Variants in RTP2 observed in about 807,000 individuals in gnomAD.
RTP2 encodes receptor transporter protein 2, also known as receptor-transporting protein 2.
A neutral mutation model predicts 17.9 loss-of-function variants in RTP2; 12 were observed. The ratio of observed to expected loss-of-function variants is 0.67; its 90% CI spans 0.43 to 1.09. The LOEUF is 1.09. Ranked by LOEUF, RTP2 falls within the 50% of genes least tolerant of loss-of-function variation. RTP2 has a pLI of 0.00. For synonymous variants in RTP2, 126 were observed against 117.7 expected, an observed-to-expected ratio of 1.07 and a Z score of -0.46; for missense variants, 327 against 295.7, an observed-to-expected ratio of 1.11 and a Z score of -0.78.
At chr3:187,707,157 C>A (rs1718013586), upstream of RTP2, among the ~76,000 whole-genome samples, 2 of 152,198 alleles carry the variant, frequency 1.3e-5, no homozygotes, top group South Asian at 4.1e-4. Context: ...TCACAGGATG[C>A]TGGCTGAGTT....
intron 1 of RTP2, 34 bp from the exon 2 acceptor site, chr3:187,699,045 G>A (rs894387423): frequency 1.3e-6 from 2 of 1,548,694 alleles, no homozygotes; most frequent in Non-Finnish European, 8.8e-7. Flanking sequence ...GGAGAAGGTG[G>A]GCATCCCAGA....
chr3:187,702,431 C>T, exon 1 of RTP2: 1 of 514,946 alleles, frequency 1.9e-6, no homozygotes, highest in Admixed American at 2.3e-5. Context: ...GAGGCCCAAC[C>T]TCAGACCACA....
the RTP2 span, chr3:187,715,677 G>A: frequency 4.4e-6 from 2 of 456,954 alleles, 1 homozygote; most frequent in South Asian, 3.1e-5. Flanking sequence ...CATCTGGAGA[G>A]CAAGAAGCAG....
chr3:187,710,211 A>G, the RTP2 span, among the ~76,000 whole-genome samples: 2 of 152,042 alleles, frequency 1.3e-5, no homozygotes, highest in African/African-American at 2.4e-5. Context: ...TCAGGCCTTG[A>G]GACTCAGGCT....
At chr3:187,701,830 G>T (rs1040016407) in intron 1 of RTP2, 135 bp downstream of exon 1, 34 of 734,920 alleles carry the variant, frequency 4.6e-5, no homozygotes, top group Non-Finnish European at 7.1e-5. Flanking sequence ...GACCCAGCCG[G>T]CTGTCTTTGT....
chr3:187,699,149 A>G (rs867280140), intron 1 of RTP2, 138 bp from the exon 2 acceptor site: 2 of 1,086,558 alleles, frequency 1.8e-6, no homozygotes, highest in African/African-American at 1.6e-5. Context: ...TGGATTCATT[A>G]GCACTCCAAG....
At chr3:187,712,382 G>A in the RTP2 span, among the ~76,000 whole-genome samples, 10 of 152,196 alleles carry the variant, frequency 6.6e-5, no homozygotes, top group East Asian at 1.7e-3. Context: ...TCTAATAAAT[G>A]TTATTTATTA....
chr3:187,699,027 G>A lies in RTP2; in HGVS notation c.165-16C>T. The A allele has an allele frequency of 6.4e-7, 1 of 1,561,996 alleles. No individual in the cohort carries two copies. Among genetic ancestry groups the A allele is most frequent in the African/African-American group, 1.3e-5 (1 of 74,096 alleles). On this transcript the variant is annotated splice_polypyrimidine_tract_variant and intron_variant, in intron 1 of 1. Coordinates refer to ENST00000358241, the Ensembl canonical transcript of RTP2. ...GCAGTGGAACCTGCCGGGAGGAGAA[G>A]GAGGGGTGGAGAAGGTGGGCATCCC...
intron 1 of RTP2, among the ~76,000 whole-genome samples, chr3:187,700,890 C>G (rs1450302236): frequency 6.6e-6 from 1 of 151,960 alleles, no homozygotes; most frequent in Non-Finnish European, 1.5e-5. Flanking sequence ...GGTTTTCTGT[C>G]TTTTTTTCAC....
chr3:187,700,832 A>G (rs1435352747), intron 1 of RTP2, among the ~76,000 whole-genome samples: 7 of 152,296 alleles, frequency 4.6e-5, no homozygotes, highest in African/African-American at 1.7e-4. Context: ...CAGGTACCCA[A>G]TAGATGCTTC....
At chr3:187,698,533 G>A (rs1350451328) in exon 2 of RTP2, 1 of 1,613,348 alleles carries the variant, frequency 6.2e-7, no homozygotes, top group Non-Finnish European at 8.5e-7. Flanking sequence ...GAGAACTGCA[G>A]GTAAACAACG....
chr3:187,712,005 G>A, the RTP2 span, among the ~76,000 whole-genome samples: 1 of 152,320 alleles, frequency 6.6e-6, no homozygotes, highest in East Asian at 1.9e-4. Context: ...ACAGGATGAC[G>A]ATAAAAGGGT....
At chr3:187,702,228 C>T in exon 1 of RTP2, 2 of 1,237,348 alleles carry the variant, frequency 1.6e-6, no homozygotes, top group South Asian at 1.4e-5. Context: ...GGTCAGAATC[C>T]TCATCGGCAG....
the RTP2 span, among the ~76,000 whole-genome samples, chr3:187,709,672 G>A: frequency 6.6e-6 from 1 of 152,094 alleles, no homozygotes; most frequent in Non-Finnish European, 1.5e-5. Context: ...GTGACAGTGT[G>A]AGATTCTGTT....
At chr3:187,714,036 C>T in the RTP2 span, among the ~76,000 whole-genome samples, 1 of 152,160 alleles carries the variant, frequency 6.6e-6, no homozygotes, top group Non-Finnish European at 1.5e-5. Context: ...GGTCTGTTCT[C>T]GGCCCTCACC....
chr3:187,709,037 T>C, the RTP2 span, among the ~76,000 whole-genome samples: 1 of 151,924 alleles, frequency 6.6e-6, no homozygotes, highest in Admixed American at 6.6e-5. Flanking sequence ...AATCTCATTG[T>C]AAAATTTCAA....
chr3:187,698,786 G>A (rs376471256), exon 2 of RTP2: 6 of 1,613,770 alleles, frequency 3.7e-6, no homozygotes, highest in Middle Eastern at 1.6e-4. Flanking sequence ...CATCCTCCTC[G>A]TAGCACTGCT....
upstream of RTP2, among the ~76,000 whole-genome samples, chr3:187,706,590 G>T (rs910521116): frequency 3.9e-5 from 6 of 152,086 alleles, no homozygotes; most frequent in Non-Finnish European, 8.8e-5. Flanking sequence ...TTCATCTCAC[G>T]CAGAGTGAAT....
upstream of RTP2, among the ~76,000 whole-genome samples, chr3:187,704,818 G>T (rs941254292): frequency 1.1e-4 from 17 of 152,302 alleles, no homozygotes; most frequent in East Asian, 1.9e-3. Context: ...TTGGGTGGGA[G>T]CTGACCTCTG....
Sources: gnomAD v4.1 joint callset for allele counts (sites outside exome capture counted in the v4.1 genomes callset) on GRCh38, gnomAD v4.1.1 for gene constraint, MANE v1.5 for transcripts, NCBI Gene and HGNC (gene_info 2026-07-23, HGNC 2026-07-21) for gene names.